Variants in INSYN2B observed in about 807,000 individuals in gnomAD.
INSYN2B encodes the protein inhibitory synaptic factor family member 2B.
INSYN2B carries 16 observed loss-of-function variants against 41.2 expected under a neutral mutation model. The ratio of observed to expected loss-of-function variants is 0.39; its 90% CI spans 0.26 to 0.59. INSYN2B has a LOEUF of 0.59. INSYN2B is among the 20% of genes least tolerant of loss of function. The pLI is 0.57. For missense variants in INSYN2B, 608 were observed against 646.4 expected, an observed-to-expected ratio of 0.94 and a Z score of 0.64; for synonymous variants, 245 against 244.4, an observed-to-expected ratio of 1.00 and a Z score of -0.02.
At chr5:169,892,164 C>G (rs1481668493) in intron 1 of INSYN2B, among the ~76,000 whole-genome samples, 3 of 151,856 alleles carry the variant, frequency 2.0e-5, no homozygotes, top group African/African-American at 4.8e-5. Flanking sequence ...ATCTAAAACA[C>G]AATAAAGTGG....
Position 169,902,957 on chromosome 5 carries a change from G to A in INSYN2B, c.-918-18141C>T, listed in dbSNP as rs1225190550. Among the ~76,000 whole-genome samples, 3 of 152,198 alleles carry A rather than the reference G, an allele frequency of 2.0e-5. No individual in the cohort carries two copies. In the East Asian group the frequency reaches 5.8e-4, roughly 29 times the overall value. On this transcript the variant is annotated intron_variant, in intron 1 of 3. Coordinates refer to ENST00000377365, the MANE Select transcript of INSYN2B (RefSeq NM_001129891.3). ...TACTAAAAATACAAAAATTAGCTGG[G>A]TGTGGTGGCACATGCCTGTAGTCCC...
chr5:169,900,578 G>A (rs906223951), intron 1 of INSYN2B, among the ~76,000 whole-genome samples: 2 of 152,124 alleles, frequency 1.3e-5, no homozygotes, highest in African/African-American at 2.4e-5. Context: ...CCTAAATGTC[G>A]AGTCTCTCTC....
chr5:169,896,048 C>T (rs1218197590), intron 1 of INSYN2B, among the ~76,000 whole-genome samples: 1 of 152,168 alleles, frequency 6.6e-6, no homozygotes, highest in Non-Finnish European at 1.5e-5. Context: ...GGCCAACGAC[C>T]AGGACAGCCT....
intron 1 of INSYN2B, among the ~76,000 whole-genome samples, chr5:169,925,031 A>C (rs1248081541): frequency 6.6e-6 from 1 of 152,148 alleles, no homozygotes; most frequent in Non-Finnish European, 1.5e-5. Flanking sequence ...TAAATCATCA[A>C]TAATATTAGA....
intron 1 of INSYN2B, among the ~76,000 whole-genome samples, chr5:169,937,301 A>C (rs997476875): frequency 1.3e-5 from 2 of 152,180 alleles, no homozygotes; most frequent in African/African-American, 4.8e-5. Flanking sequence ...CTTTGAGAAC[A>C]AGTTTGCCAA....
At chr5:169,902,012 A>G (rs1195295099) in intron 1 of INSYN2B, among the ~76,000 whole-genome samples, 2 of 152,164 alleles carry the variant, frequency 1.3e-5, no homozygotes, top group Non-Finnish European at 2.9e-5. Flanking sequence ...GTAAGAGACC[A>G]CCCAGATGCC....
At chr5:169,872,798 G>A (rs1275162493) in intron 3 of INSYN2B, among the ~76,000 whole-genome samples, 1 of 152,184 alleles carries the variant, frequency 6.6e-6, no homozygotes, top group Non-Finnish European at 1.5e-5. Flanking sequence ...TTTGAGCCCT[G>A]GCTCCCTGGG....
At chr5:169,924,878 T>G (rs1748009087) in intron 1 of INSYN2B, among the ~76,000 whole-genome samples, 1 of 152,204 alleles carries the variant, frequency 6.6e-6, no homozygotes. Flanking sequence ...GTGACTTCCC[T>G]GATAACTACT....
At chr5:169,899,146 CT>C (rs1319549173) in intron 1 of INSYN2B, among the ~76,000 whole-genome samples, 1 of 152,132 alleles carries the variant, frequency 6.6e-6, no homozygotes, top group Non-Finnish European at 1.5e-5. Flanking sequence ...TGCCAGGCAT[CT>C]AGTAAGAGCT....
intron 1 of INSYN2B, among the ~76,000 whole-genome samples, chr5:169,893,902 G>A (rs1413228860): frequency 6.6e-6 from 1 of 152,200 alleles, no homozygotes; most frequent in Non-Finnish European, 1.5e-5. Flanking sequence ...CTGTGGTTTT[G>A]TGGTACTTGG....
intron 1 of INSYN2B, among the ~76,000 whole-genome samples, chr5:169,962,681 T>C (rs1777140636): frequency 6.6e-6 from 1 of 151,966 alleles, no homozygotes; most frequent in Admixed American, 6.5e-5. Flanking sequence ...AAATGACATA[T>C]TGGAAAATAC....
chr5:169,870,901 T>TATACATAC (rs3079668), intron 3 of INSYN2B, among the ~76,000 whole-genome samples: 3 of 151,504 alleles, frequency 2.0e-5, no homozygotes, highest in Admixed American at 6.6e-5. Context: ...CTGGGTGGCT[T>TATACATAC]ATACATACAT....
intron 3 of INSYN2B, among the ~76,000 whole-genome samples, chr5:169,879,586 C>A (rs1338476139): frequency 6.6e-6 from 1 of 152,160 alleles, no homozygotes; most frequent in East Asian, 1.9e-4. Context: ...GTTTGCTAAC[C>A]CAACCAGGGG....
chr5:169,893,242 G>A (rs1407848826), intron 1 of INSYN2B, among the ~76,000 whole-genome samples: 1 of 151,900 alleles, frequency 6.6e-6, no homozygotes, highest in African/African-American at 2.4e-5. Flanking sequence ...GGCATTGGCT[G>A]CTGCTGCTGC....
At chr5:169,928,593 G>T (rs1181511476) in intron 1 of INSYN2B, among the ~76,000 whole-genome samples, 1 of 152,226 alleles carries the variant, frequency 6.6e-6, no homozygotes, top group African/African-American at 2.4e-5. Flanking sequence ...GGCCAAGAAA[G>T]CATGGAAAGG....
At chr5:169,877,890 G>A (rs866434140) in intron 3 of INSYN2B, among the ~76,000 whole-genome samples, 6 of 152,044 alleles carry the variant, frequency 3.9e-5, no homozygotes, top group Admixed American at 6.6e-5. Flanking sequence ...ACCGAAAACC[G>A]TAAGGTTGCA....
At chr5:169,871,461 C>T (rs950387878) in intron 3 of INSYN2B, among the ~76,000 whole-genome samples, 8 of 152,178 alleles carry the variant, frequency 5.3e-5, no homozygotes, top group African/African-American at 1.7e-4. Context: ...CAAGTTTACA[C>T]TCCTTCTCTC....
chr5:169,887,323 T>A (rs1460664045), intron 1 of INSYN2B, among the ~76,000 whole-genome samples: 1 of 152,218 alleles, frequency 6.6e-6, no homozygotes, highest in Non-Finnish European at 1.5e-5. Flanking sequence ...AAAGATATTA[T>A]TTGTTCATTG....
At chr5:169,878,682 A>C (rs1422150570) in intron 3 of INSYN2B, among the ~76,000 whole-genome samples, 1 of 152,210 alleles carries the variant, frequency 6.6e-6, no homozygotes, top group Non-Finnish European at 1.5e-5. Flanking sequence ...TAAGTAATTT[A>C]ATGTTATTTA....
Sources: allele counts gnomAD v4.1 joint callset (sites outside exome capture counted in the v4.1 genomes callset), GRCh38; gene constraint gnomAD v4.1.1; transcripts MANE v1.5; gene names NCBI Gene and HGNC (gene_info 2026-07-23, HGNC 2026-07-21).